CD180: variants seen among roughly 807,000 people sequenced by gnomAD.
The protein encoded by CD180 is CD180 antigen.
In CD180, 11 loss-of-function variants were observed where a neutral mutation model predicts 10.7. That is an observed-to-expected ratio of 1.03 (90% CI 0.65 to 1.70). CD180 has a LOEUF of 1.70. CD180 is among the 40% of genes most tolerant of loss of function. The pLI is 0.00. For synonymous variants in CD180, 286 were observed against 294.6 expected, an observed-to-expected ratio of 0.97 and a Z score of 0.30; for missense variants, 729 against 775.2, an observed-to-expected ratio of 0.94 and a Z score of 0.71.
chr5:67,190,794 A>G (rs982289632), intron 1 of CD180: 5 of 344,964 alleles, frequency 1.4e-5, no homozygotes, highest in African/African-American at 8.9e-5. Flanking sequence ...ATTCATTTGC[A>G]TTTTCTCAAT....
rs757358783 is a variant in CD180, at chr5:67,183,397, T to C, written c.1446A>G (p.Gln482=). Reference sequence around the variant, plus strand: ...GGTTGGTCTTCGTGATAGTCCCATCTTGAAAGTGATTCCCTTTTAAGTTGA... The same window carrying C: ...GGTTGGTCTTCGTGATAGTCCCATCCTGAAAGTGATTCCCTTTTAAGTTGA... ...RHLNLKGNHF[Q]DGTITKTNLL... The change falls in exon 3 of 3, where the codon CAA becomes CAG. Residue 482 remains glutamine (Q), a synonymous_variant. Transcript: ENST00000256447. 7 of 1,614,126 alleles carry C rather than the reference T, an allele frequency of 4.3e-6. No individual in the cohort carries two copies. Among genetic ancestry groups the C allele is most frequent in the Non-Finnish European group, 5.9e-6 (7 of 1,180,054 alleles).
rs2230521 is a variant in CD180 at position 67,184,177 on chromosome 5, C to G, written c.666G>C (p.Thr222=). 23 of 1,614,032 alleles carry G rather than the reference C, an allele frequency of 1.4e-5. No individual in the cohort carries two copies. The South Asian group carries it at 1.4e-4, about 10-fold the overall frequency. ...CTCCAAAGTTCAAACTTTGGAAGAT[C>G]GTTGAATCAAAAGCCCCAAGCTCAA... The part of the protein sequence containing the change: ...KGIELGAFDS[T]IFQSLNFGGT... Residue 222 remains threonine (T), a synonymous_variant, in exon 3 of 3, where the codon ACG becomes ACC. Transcript: ENST00000256447.
In CD180 at chr5:67,190,435, C is replaced by A. The variant is rs539009962; in HGVS notation, c.91-4418G>T. Among the ~76,000 whole-genome samples the A allele has an allele frequency of 2.3e-4, 35 of 152,336 alleles. No homozygotes were observed. In the South Asian group the frequency reaches 5.8e-3, roughly 25 times the overall value. On this transcript the variant is annotated intron_variant, in intron 1 of 2. Transcript: ENST00000256447. ...TCCAGGCAGACACCCACTACCATTG[C>A]AGTTTCTCGGATCTCCACATGACCA...
rs1192247238 is a variant in CD180, at chr5:67,179,800, G to C, written c.*3057C>G. ...TGTAATTCTCTCCTGGGTTGTAGGA[G>C]TTGCAGCTCATGCAGAGAGTCCTCT... On this transcript the variant is annotated 3_prime_UTR_variant, in exon 3 of 3. Transcript: ENST00000256447. 1 of 152,232 alleles carries C rather than the reference G, an allele frequency of 6.6e-6. No individual in the cohort carries two copies. The highest frequency in any genetic ancestry group is 1.5e-5 in the Non-Finnish European group (1 of 68,062). The allele number at this position is 152,232 out of a possible 1,614,324, so 9.4% of individuals were successfully genotyped here.
At chr5:67,191,516 C>G (rs574646260) in intron 1 of CD180, among the ~76,000 whole-genome samples, 3 of 152,282 alleles carry the variant, frequency 2.0e-5, no homozygotes, top group African/African-American at 7.2e-5. Context: ...TCACTTCTAT[C>G]ACAGTTTTGA....
chr5:67,185,560 A>G (rs2151166293), intron 2 of CD180, among the ~76,000 whole-genome samples: 1 of 152,298 alleles, frequency 6.6e-6, no homozygotes, highest in Admixed American at 6.5e-5. Context: ...ATAGTTTGGC[A>G]TCTGATTTAG....
rs534148374 is a variant in CD180 at position 67,183,617 on chromosome 5, A to G, written c.1226T>C (p.Leu409Pro). 13 of 1,614,216 alleles carry G rather than the reference A, an allele frequency of 8.1e-6. No homozygotes were observed. In the Admixed American group the frequency reaches 1.7e-4, roughly 21 times the overall value. ...QTLNLSHNEP[L>P]GLQSQAFKEC... ...TTTGAATGCCTGACTCTGGAGACCA[A>G]GAGGCTCATTGTGGCTCAGGTTTAA... Residue 409 changes from leucine to proline, a missense_variant, in exon 3 of 3, where the codon CTT becomes CCT. Coordinates refer to ENST00000256447, the MANE Select transcript of CD180 (RefSeq NM_005582.3).
Position 67,181,192 on chromosome 5 carries a change from G to A in CD180, c.*1665C>T, listed in dbSNP as rs1036419230. On this transcript the variant is annotated 3_prime_UTR_variant, in exon 3 of 3. Coordinates refer to ENST00000256447, the MANE Select transcript of CD180 (RefSeq NM_005582.3). ...GAAACTAATTAAAACAAATGAAGAA[G>A]TTAATTCCAAACACTGATAAGCATT... is the stretch of plus-strand genomic sequence containing the variant. 1 of 152,172 alleles carries A rather than the reference G, an allele frequency of 6.6e-6. No homozygotes were observed. Among genetic ancestry groups the A allele is most frequent in the South Asian group, 2.1e-4 (1 of 4,818 alleles). The allele number at this position is 152,172 out of a possible 1,614,324, so 9.4% of individuals were successfully genotyped here. A position where few individuals can be genotyped will look rare whatever the true frequency, so the allele number is the denominator to read the frequency against.
At chr5:67,192,065 C>G (rs1369754355) in intron 1 of CD180, among the ~76,000 whole-genome samples, 4 of 151,978 alleles carry the variant, frequency 2.6e-5, no homozygotes, top group Non-Finnish European at 5.9e-5. Context: ...ACTGAAAATA[C>G]AGGAAAAAAA....
At chr5:67,185,706 A>C (rs1742179167) in intron 2 of CD180, 145 bp downstream of exon 2, 1 of 490,286 alleles carries the variant, frequency 2.0e-6, no homozygotes. Context: ...TCACCCACAT[A>C]GGAGTATTTC....
chr5:67,183,763 G>A lies in CD180; in HGVS notation c.1080C>T (p.His360=). The change falls in exon 3 of 3, where the codon CAC becomes CAT. Residue 360 remains histidine (H), a synonymous_variant. Transcript: ENST00000256447. ...LYIRGNVKKL[H]LGVGCLEKLG... is the part of the protein sequence containing the mutation. ...GTTTCTCCAAGCAGCCAACACCAAG[G>A]TGAAGTTTCTTCACGTTGCCTCTGA... 1.2e-6 allele frequency: 2 copies of A among 1,614,188 alleles called. No homozygotes were observed. The highest frequency in any genetic ancestry group is 1.7e-6 in the Non-Finnish European group (2 of 1,180,036).
intron 1 of CD180, among the ~76,000 whole-genome samples, chr5:67,189,037 G>A (rs1742253346): frequency 6.6e-6 from 1 of 152,166 alleles, no homozygotes; most frequent in African/African-American, 2.4e-5. Flanking sequence ...TGCAGCTGCT[G>A]CCCCAGTAGT....
At position 67,185,855 on chromosome 5, in the gene CD180, T is replaced by A; in HGVS notation, c.253A>T (p.Thr85Ser). The A allele has an allele frequency of 6.3e-7, 1 of 1,594,584 alleles. No homozygotes were observed. Among genetic ancestry groups the A allele is most frequent in the Non-Finnish European group, 8.5e-7 (1 of 1,171,350 alleles). Residue 85 changes from threonine to serine, a missense_variant, in exon 2 of 3, where the codon ACT becomes TCT. Physicochemically the swap from Thr to Ser is moderately conservative, Grantham distance 58 (BLOSUM62 1). Transcript: ENST00000256447. ...RLMNLTFLDL[T>S]RCQINWIHED... ...ACAAATAACTCAGATACATACCTAG[T>A]TAAATCCAAAAAGGTAAGATTCATG...
chr5:67,185,975 T>A lies in CD180; in HGVS notation c.133A>T (p.Ser45Cys). 3.1e-6 allele frequency: 5 copies of A among 1,606,054 alleles called. No individual in the cohort carries two copies. In the Admixed American group the frequency reaches 8.5e-5, roughly 27 times the overall value. ...TTTGGTAGAGTGTCAGGGATTTCAC[T>A]GAGACCTAAATTTTCACAGTTATAT... ...KTYNCENLGLSEIPDTLPNTT... is the reference protein window; with the variant it reads ...KTYNCENLGLCEIPDTLPNTT... The change falls in exon 2 of 3, where the codon AGT (serine) becomes TGT (cysteine). Residue 45 changes from serine (S) to cysteine (C), a missense_variant. Physicochemically the swap from Ser to Cys is moderately radical, Grantham distance 112. Coordinates refer to ENST00000256447, the MANE Select transcript of CD180 (RefSeq NM_005582.3).
intron 1 of CD180, among the ~76,000 whole-genome samples, chr5:67,195,955 A>G (rs1742393606): frequency 6.6e-6 from 1 of 152,292 alleles, no homozygotes; most frequent in Non-Finnish European, 1.5e-5. Context: ...TTCTCTCATT[A>G]TCCCCTCCAA....
In CD180 at chr5:67,183,576, C is replaced by T. The variant is rs943218625; in HGVS notation, c.1267G>A (p.Glu423Lys). ...SQAFKECPQLELLDLAFTRLH... is the reference protein window; with the variant it reads ...SQAFKECPQLKLLDLAFTRLH... ...CGGGTAAATGCCAAATCGAGGAGTT[C>T]TAGCTGAGGACATTCTTTGAATGCC... Residue 423 changes from glutamate to lysine, a missense_variant, in exon 3 of 3, where the codon GAA (glutamate) becomes AAA (lysine). Coordinates refer to ENST00000256447, the MANE Select transcript of CD180 (RefSeq NM_005582.3). The T allele has an allele frequency of 6.2e-7, 1 of 1,614,048 alleles. No individual in the cohort carries two copies. Among genetic ancestry groups the T allele is most frequent in the Non-Finnish European group, 8.5e-7 (1 of 1,180,030 alleles).
At position 67,193,498 on chromosome 5, in the gene CD180, G is replaced by T. The variant is rs775295330; in HGVS notation, c.90+3054C>A. Among the ~76,000 whole-genome samples, 12 of 152,096 alleles carry T rather than the reference G, an allele frequency of 7.9e-5. 1 individual carries two copies. The South Asian group carries it at 8.3e-4, about 11-fold the overall frequency. On this transcript the variant is annotated intron_variant, in intron 1 of 2. Coordinates refer to ENST00000256447, the MANE Select transcript of CD180 (RefSeq NM_005582.3). ...CCCTAGTATCCACACAGTAGCAAGG[G>T]CTCCCTAAACAGCCTTCGAATCTTG... is the stretch of plus-strand genomic sequence containing the variant.
At chr5:67,191,214 G>T in intron 1 of CD180, 1 of 486,576 alleles carries the variant, frequency 2.1e-6, no homozygotes, top group Non-Finnish European at 2.7e-6. Context: ...TGTAAAGTCA[G>T]ACTGCTTGGG....
Position 67,191,259 on chromosome 5 carries a change from C to T in CD180, c.91-5242G>A, listed in dbSNP as rs529922695. Among the ~76,000 whole-genome samples, 109 of 152,338 alleles carry T rather than the reference C, an allele frequency of 7.2e-4. 1 individual carries two copies. The highest frequency in any genetic ancestry group is 3.9e-4 in the East Asian group (2 of 5,190). On this transcript the variant is annotated intron_variant, in intron 1 of 2. Transcript: ENST00000256447. ...TAGCTCTCAACCACCAAGCTGTGTTCTCTGAGCCTCCCTTTTCCTCAAATG... is the reference window on the plus strand; with the variant it reads ...TAGCTCTCAACCACCAAGCTGTGTTTTCTGAGCCTCCCTTTTCCTCAAATG...
Sources: gnomAD v4.1 joint callset for allele counts (sites outside exome capture counted in the v4.1 genomes callset) on GRCh38, gnomAD v4.1.1 for gene constraint, MANE v1.5 for transcripts, NCBI Gene and HGNC (gene_info 2026-07-23, HGNC 2026-07-21) for gene names.